The following TENM2 variants were observed in gnomAD, a reference collection of about 807,000 sequenced individuals.
TENM2 encodes teneurin transmembrane protein 2, also known as teneurin-2.
TENM2 carries 52 observed loss-of-function variants against 245.2 expected under a neutral mutation model. That is an observed-to-expected ratio of 0.21 (90% CI 0.17 to 0.27). The LOEUF is 0.27. TENM2 is among the 10% of genes least tolerant of loss of function. TENM2 has a pLI of 1.00. For synonymous variants in TENM2, 1,363 were observed against 1,438.9 expected, an observed-to-expected ratio of 0.95 and a Z score of 1.19; for missense variants, 3,046 against 3,666.8, an observed-to-expected ratio of 0.83 and a Z score of 4.37.
chr5:167,936,934 C>T (rs1335804885), intron 3 of TENM2, among the ~76,000 whole-genome samples: 1 of 152,174 alleles, frequency 6.6e-6, no homozygotes, highest in Non-Finnish European at 1.5e-5. Context: ...AGCATGGTAC[C>T]TTTGCAATGT....
chr5:168,068,462 G>T (rs1439049160), intron 7 of TENM2, among the ~76,000 whole-genome samples: 1 of 152,100 alleles, frequency 6.6e-6, no homozygotes, highest in Non-Finnish European at 1.5e-5. Context: ...TGATAGTTTT[G>T]TTACCATAGA....
At chr5:167,697,813 C>G (rs1757868445) in intron 2 of TENM2, among the ~76,000 whole-genome samples, 1 of 152,204 alleles carries the variant, frequency 6.6e-6, no homozygotes, top group Admixed American at 6.5e-5. Context: ...GTGTGAGCCA[C>G]TGCACCCAGC....
At chr5:168,120,538 G>A (rs1257638539) in intron 10 of TENM2, among the ~76,000 whole-genome samples, 1 of 152,194 alleles carries the variant, frequency 6.6e-6, no homozygotes, top group African/African-American at 2.4e-5. Context: ...ACAGCTGTAT[G>A]CATGGAATCT....
intron 5 of TENM2, among the ~76,000 whole-genome samples, chr5:168,042,362 T>C (rs569662073): frequency 9.8e-5 from 15 of 152,292 alleles, no homozygotes; most frequent in African/African-American, 3.4e-4. Context: ...ATCCGTGGCC[T>C]CCATGTTTGC....
At chr5:168,166,428 A>C (rs11745853) in intron 13 of TENM2, among the ~76,000 whole-genome samples, 27,388 of 152,208 alleles carry the variant, frequency 0.18, 3,053 homozygotes, top group East Asian at 0.5. Context: ...TAACAGATAG[A>C]GATATTTGAA....
chr5:167,825,900 A>C lies in TENM2; in HGVS notation c.503-50086A>C, dbSNP rs180988088. Among the ~76,000 whole-genome samples, 27 of 151,546 alleles carry C rather than the reference A, an allele frequency of 1.8e-4. 1 individual carries two copies. Among genetic ancestry groups the C allele is most frequent in the Admixed American group, 1.7e-3 (26 of 15,214 alleles). ...AAAAAACAACTGTGACCCAGGTATCAGCTCAAACCCATCTCCACAGACCAT... is the reference window on the plus strand; with the variant it reads ...AAAAAACAACTGTGACCCAGGTATCCGCTCAAACCCATCTCCACAGACCAT... On this transcript the variant is annotated intron_variant, in intron 2 of 28. Transcript: ENST00000518659.
chr5:168,100,129 G>C (rs145545783), intron 9 of TENM2, among the ~76,000 whole-genome samples: 170 of 152,312 alleles, frequency 1.1e-3, no homozygotes, highest in Non-Finnish European at 1.9e-3. Context: ...ATTTTGGGCT[G>C]AGACGATGGG....
chr5:167,589,624 A>T (rs1197908040), intron 2 of TENM2, among the ~76,000 whole-genome samples: 2 of 152,106 alleles, frequency 1.3e-5, no homozygotes, highest in African/African-American at 4.8e-5. Context: ...TTAGAAAAAA[A>T]ATTGAAGAGA....
intron 2 of TENM2, among the ~76,000 whole-genome samples, chr5:167,455,898 A>G (rs922462111): frequency 6.6e-6 from 1 of 152,222 alleles, no homozygotes; most frequent in Non-Finnish European, 1.5e-5. Flanking sequence ...TGTCCATATA[A>G]TAATCTAGAG....
chr5:167,041,650 AT>A, the TENM2 span, among the ~76,000 whole-genome samples: 24 of 152,220 alleles, frequency 1.6e-4, no homozygotes, highest in Non-Finnish European at 3.1e-4. Flanking sequence ...ATTTCAGCAC[AT>A]GCATGAAATT....
intron 1 of TENM2, among the ~76,000 whole-genome samples, chr5:167,342,389 CCAT>C (rs1758154721): frequency 6.6e-6 from 1 of 151,924 alleles, no homozygotes; most frequent in Non-Finnish European, 1.5e-5. Flanking sequence ...AGGTAAAGTG[CCAT>C]TCTCATTATG....
chr5:168,242,986 C>T (rs1766241633), intron 25 of TENM2, among the ~76,000 whole-genome samples: 2 of 152,024 alleles, frequency 1.3e-5, no homozygotes, highest in South Asian at 4.1e-4. Flanking sequence ...TTATTACTAT[C>T]ATCACCACCA....
intron 3 of TENM2, among the ~76,000 whole-genome samples, chr5:167,931,551 G>GAAAAAA (rs368486009): frequency 3.6e-5 from 4 of 110,330 alleles, no homozygotes; most frequent in Non-Finnish European, 5.4e-5. Flanking sequence ...AAACCCATTG[G>GAAAAAA]AAAAAAAAAA....
At chr5:168,172,984 C>T (rs905864305) in intron 13 of TENM2, among the ~76,000 whole-genome samples, 4 of 152,130 alleles carry the variant, frequency 2.6e-5, no homozygotes, top group Admixed American at 2.6e-4. Context: ...ACCTCTGTGC[C>T]TAATGCTTCT....
intron 1 of TENM2, among the ~76,000 whole-genome samples, chr5:167,344,131 A>T (rs1005203075): frequency 1.9e-4 from 29 of 149,002 alleles, no homozygotes; most frequent in Non-Finnish European, 3.7e-4. Flanking sequence ...AGTTATATAT[A>T]TTATATTATT....
At chr5:167,779,701 G>A (rs1052134576) in intron 2 of TENM2, among the ~76,000 whole-genome samples, 46 of 152,290 alleles carry the variant, frequency 3.0e-4, no homozygotes, top group Admixed American at 1.3e-4. Context: ...TCCCCTCTTC[G>A]TGTTTGAATC....
At chr5:167,755,142 C>T in intron 2 of TENM2, 1 of 1,599,162 alleles carries the variant, frequency 6.3e-7, no homozygotes, top group East Asian at 2.2e-5. Context: ...GGCAGTACCT[C>T]ACCTCAGTCT....
At chr5:167,429,549 G>C (rs1561947832) in intron 2 of TENM2, among the ~76,000 whole-genome samples, 3 of 151,644 alleles carry the variant, frequency 2.0e-5, no homozygotes, top group Non-Finnish European at 4.4e-5. Flanking sequence ...TAACTTGTGG[G>C]GAGAGCCGTG....
chr5:168,165,664 C>T (rs1160591956), intron 13 of TENM2, among the ~76,000 whole-genome samples: 5 of 105,950 alleles, frequency 4.7e-5, no homozygotes, highest in East Asian at 2.8e-4. Context: ...CCCCCCCCCC[C>T]GGCTGGCAGA....
Sources: allele counts gnomAD v4.1 joint callset (sites outside exome capture counted in the v4.1 genomes callset), GRCh38; gene constraint gnomAD v4.1.1; transcripts MANE v1.5; gene names NCBI Gene and HGNC (gene_info 2026-07-23, HGNC 2026-07-21).